The following TENM3 variants were observed in gnomAD, a reference collection of about 807,000 sequenced individuals.
TENM3 encodes teneurin transmembrane protein 3, also known as teneurin-3.
Under a neutral mutation model 255.1 loss-of-function variants are expected in TENM3, and 63 were observed. The observed-to-expected ratio is 0.25, with a 90% CI of 0.20 to 0.30. TENM3 has a LOEUF of 0.30. Ranked by LOEUF, TENM3 falls within the 10% of genes least tolerant of loss-of-function variation. The pLI is 1.00. For synonymous variants in TENM3, 1,306 were observed against 1,322.3 expected (o/e 0.99, Z 0.27); for missense variants, 2,929 against 3,461.1 (o/e 0.85, Z 3.86).
chr4:182,466,727 A>G (rs1454148812), intron 3 of TENM3, among the ~76,000 whole-genome samples: 2 of 151,866 alleles, frequency 1.3e-5, no homozygotes, highest in Admixed American at 6.6e-5. Flanking sequence ...GCCAAGGACC[A>G]TATTTCCAAA....
the TENM3 span, among the ~76,000 whole-genome samples, chr4:181,715,160 T>C: frequency 6.6e-6 from 1 of 152,194 alleles, no homozygotes; most frequent in Non-Finnish European, 1.5e-5. Context: ...CATTATTCTT[T>C]ACTTCATTCT....
chr4:182,195,163 A>G (rs1753764341), intron 1 of TENM3, among the ~76,000 whole-genome samples: 1 of 152,094 alleles, frequency 6.6e-6, no homozygotes, highest in Non-Finnish European at 1.5e-5. Context: ...AACATGAGCA[A>G]CCTATAATGG....
intron 1 of TENM3, among the ~76,000 whole-genome samples, chr4:182,317,893 A>G (rs61443917): frequency 0.041 from 6,167 of 152,266 alleles, 416 homozygotes; most frequent in African/African-American, 0.14. Flanking sequence ...GCAAAGTTGT[A>G]TTTACTGTTC....
the TENM3 span, among the ~76,000 whole-genome samples, chr4:181,646,368 G>T: frequency 1.3e-5 from 2 of 152,128 alleles, no homozygotes; most frequent in African/African-American, 4.8e-5. Context: ...TAGAGAAATT[G>T]CTGCCCCACA....
the TENM3 span, among the ~76,000 whole-genome samples, chr4:181,730,087 G>A: frequency 6.6e-6 from 1 of 152,078 alleles, no homozygotes; most frequent in African/African-American, 2.4e-5. Context: ...CGCAGGGCTC[G>A]TATCACACAA....
At chr4:182,564,191 T>C (rs1337953748) in intron 3 of TENM3, among the ~76,000 whole-genome samples, 1 of 152,142 alleles carries the variant, frequency 6.6e-6, no homozygotes, top group African/African-American at 2.4e-5. Flanking sequence ...AGGCAGCTTG[T>C]TCTATTTTTA....
At chr4:181,473,159 A>T in the TENM3 span, among the ~76,000 whole-genome samples, 1 of 152,290 alleles carries the variant, frequency 6.6e-6, no homozygotes, top group Admixed American at 6.5e-5. Context: ...AAATAATGTT[A>T]AAAAATCAAA....
chr4:182,171,517 G>A (rs1752103571), intron 1 of TENM3, among the ~76,000 whole-genome samples: 1 of 152,148 alleles, frequency 6.6e-6, no homozygotes, highest in Non-Finnish European at 1.5e-5. Flanking sequence ...AGGCTGGAAT[G>A]CAGTGGCACA....
intron 3 of TENM3, among the ~76,000 whole-genome samples, chr4:182,374,818 GGACAGAAGTTGCATCAACC>G (rs1368339964): frequency 6.6e-6 from 1 of 152,160 alleles, no homozygotes; most frequent in African/African-American, 2.4e-5. Flanking sequence ...AGTGAAGACA[GGACAGAAGTTGCATCAACC>G]TTCTCAGGAA....
intron 3 of TENM3, among the ~76,000 whole-genome samples, chr4:182,599,874 T>C (rs1483343345): frequency 6.6e-6 from 1 of 152,224 alleles, no homozygotes; most frequent in Non-Finnish European, 1.5e-5. Flanking sequence ...TGTGGAACCA[T>C]ATCAGTTTAG....
chr4:181,540,372 T>G, the TENM3 span, among the ~76,000 whole-genome samples: 1 of 152,226 alleles, frequency 6.6e-6, no homozygotes, highest in Admixed American at 6.5e-5. Flanking sequence ...TAGAAAATTC[T>G]AAATGATTTA....
At chr4:182,074,849 T>C in the TENM3 span, among the ~76,000 whole-genome samples, 2 of 151,922 alleles carry the variant, frequency 1.3e-5, no homozygotes, top group African/African-American at 4.8e-5. Flanking sequence ...ATGAAGGAGG[T>C]GGATCTTCAG....
At chr4:181,580,355 G>A in the TENM3 span, among the ~76,000 whole-genome samples, 3 of 152,072 alleles carry the variant, frequency 2.0e-5, no homozygotes, top group Non-Finnish European at 4.4e-5. Context: ...CGACTGAGAG[G>A]CTCCTGGGCA....
At chr4:182,318,608 G>T (rs2675534) in intron 1 of TENM3, among the ~76,000 whole-genome samples, 1 of 152,064 alleles carries the variant, frequency 6.6e-6, no homozygotes, top group Non-Finnish European at 1.5e-5. Flanking sequence ...TTGGGAAGAA[G>T]CAAATAACCA....
chr4:181,507,773 T>G, the TENM3 span, among the ~76,000 whole-genome samples: 9 of 152,246 alleles, frequency 5.9e-5, no homozygotes, highest in Admixed American at 3.9e-4. Context: ...TAAAAATCAT[T>G]TTAATGAGAG....
chr4:182,096,247 C>T, the TENM3 span, among the ~76,000 whole-genome samples: 1 of 152,170 alleles, frequency 6.6e-6, no homozygotes, highest in Admixed American at 6.5e-5. Context: ...GAAGGCCCCA[C>T]TGTCTAAAGA....
chr4:182,071,638 T>A, the TENM3 span, among the ~76,000 whole-genome samples: 8 of 152,058 alleles, frequency 5.3e-5, no homozygotes, highest in African/African-American at 1.9e-4. Flanking sequence ...TGGGGGTACA[T>A]GTGATAATCT....
At chr4:181,493,456 C>T in the TENM3 span, among the ~76,000 whole-genome samples, 73,557 of 151,872 alleles carry the variant, frequency 0.48, 18,088 homozygotes, top group Non-Finnish European at 0.53. Context: ...TACGACCAGG[C>T]GTGGTGGCTC....
rs115251426 is a variant in TENM3 at position 182,764,840 on chromosome 4, A to G, written c.4893-8632A>G. On this transcript the variant is annotated intron_variant, in intron 22 of 27. Transcript: ENST00000511685. Reference sequence around the variant, plus strand: ...TTCAAGGAGTTTAACAGGGACAGCAACATAGCCAATCTGGTGACAATGTAA... The same window carrying G: ...TTCAAGGAGTTTAACAGGGACAGCAGCATAGCCAATCTGGTGACAATGTAA... 7.1e-3 allele frequency among the ~76,000 whole-genome samples: 1,081 copies of G among 152,312 alleles called. 17 individuals are homozygous for G. Among genetic ancestry groups the G allele is most frequent in the African/African-American group, 0.025 (1,024 of 41,566 alleles).
Sources: gnomAD v4.1 joint callset for allele counts (sites outside exome capture counted in the v4.1 genomes callset) on GRCh38, gnomAD v4.1.1 for gene constraint, MANE v1.5 for transcripts, NCBI Gene and HGNC (gene_info 2026-07-23, HGNC 2026-07-21) for gene names.